Variants in ELAVL2 observed in about 807,000 individuals in gnomAD.
ELAVL2 encodes the protein ELAV-like protein 2.
ELAVL2 carries 4 observed loss-of-function variants against 34.6 expected under a neutral mutation model. That is an observed-to-expected ratio of 0.12 (90% CI 0.06 to 0.26). The LOEUF is 0.26. Ranked by LOEUF, ELAVL2 falls within the 10% of genes least tolerant of loss-of-function variation. ELAVL2 has a pLI of 1.00. For missense variants in ELAVL2, 432 were observed against 442.8 expected (o/e 0.98, Z 0.22); for synonymous variants, 193 against 154.8 (o/e 1.25, Z -1.83).
chr9:23,794,180 T>A (rs539934740), intron 1 of ELAVL2, among the ~76,000 whole-genome samples: 1 of 152,358 alleles, frequency 6.6e-6, no homozygotes, highest in Admixed American at 6.5e-5. Flanking sequence ...CATGAGCTTA[T>A]CTTTCCCCTT....
chr9:23,797,670 G>T (rs1287196582), intron 1 of ELAVL2, among the ~76,000 whole-genome samples: 1 of 152,254 alleles, frequency 6.6e-6, no homozygotes. Flanking sequence ...GCTTACGCCT[G>T]TAATCCCAGT....
At chr9:23,716,398 C>A (rs1302921445) in intron 3 of ELAVL2, among the ~76,000 whole-genome samples, 1 of 152,140 alleles carries the variant, frequency 6.6e-6, no homozygotes, top group East Asian at 1.9e-4. Flanking sequence ...CTTCATCCGA[C>A]CACATCTTCA....
chr9:23,834,512 AT>A, the ELAVL2 span, among the ~76,000 whole-genome samples: 1 of 152,194 alleles, frequency 6.6e-6, no homozygotes, highest in South Asian at 2.1e-4. Flanking sequence ...AGATGTAATC[AT>A]AAGTATAAAA....
At chr9:23,785,304 T>C (rs1206833179) in intron 1 of ELAVL2, among the ~76,000 whole-genome samples, 4 of 152,148 alleles carry the variant, frequency 2.6e-5, no homozygotes, top group South Asian at 2.1e-4. Context: ...AAGAAAGATA[T>C]GAAGATAAAG....
intron 5 of ELAVL2, among the ~76,000 whole-genome samples, chr9:23,700,835 A>T (rs1211214538): frequency 5.3e-5 from 8 of 152,172 alleles, no homozygotes; most frequent in African/African-American, 1.9e-4. Context: ...GAAGTAACAG[A>T]AACAGCTTGA....
intron 2 of ELAVL2, among the ~76,000 whole-genome samples, chr9:23,750,581 C>G (rs939406417): frequency 1.3e-5 from 2 of 151,966 alleles, no homozygotes; most frequent in Admixed American, 1.3e-4. Flanking sequence ...AAGAGCTAAC[C>G]TAATACTCAG....
chr9:23,829,209 G>A (rs1341739380), upstream of ELAVL2, among the ~76,000 whole-genome samples: 2 of 152,212 alleles, frequency 1.3e-5, no homozygotes, highest in African/African-American at 4.8e-5. Context: ...GAGCAAAAGT[G>A]TGAGGTGGAT....
At chr9:23,714,048 C>T (rs1032186582) in intron 3 of ELAVL2, among the ~76,000 whole-genome samples, 1 of 152,142 alleles carries the variant, frequency 6.6e-6, no homozygotes, top group Non-Finnish European at 1.5e-5. Flanking sequence ...GCAGAGGAAC[C>T]ATAAATGTTT....
At chr9:23,732,175 C>T (rs147918001) in intron 2 of ELAVL2, among the ~76,000 whole-genome samples, 20 of 152,288 alleles carry the variant, frequency 1.3e-4, no homozygotes, top group African/African-American at 4.1e-4. Flanking sequence ...ACTACTGTTG[C>T]ATCAATTTCA....
the ELAVL2 span, among the ~76,000 whole-genome samples, chr9:23,842,614 A>G: frequency 0.25 from 37,569 of 151,970 alleles, 5,101 homozygotes; most frequent in Admixed American, 0.33. Flanking sequence ...TGCATTTCTG[A>G]GTGCTTCTTA....
Position 23,751,738 on chromosome 9 carries a change from G to A in ELAVL2, c.229+10268C>T, listed in dbSNP as rs867667667. Among the ~76,000 whole-genome samples, 13 of 152,164 alleles carry A rather than the reference G, an allele frequency of 8.5e-5. No homozygotes were observed. The East Asian group carries it at 1.7e-3, about 20-fold the overall frequency. ...TCAATTTAACAACTTGCTGACCTTCGAAAGCCCAGTAATAGCTCACTGGAA... is the reference window on the plus strand; with the variant it reads ...TCAATTTAACAACTTGCTGACCTTCAAAAGCCCAGTAATAGCTCACTGGAA... On this transcript the variant is annotated intron_variant, in intron 2 of 6. Coordinates refer to ENST00000397312, the MANE Select transcript of ELAVL2 (RefSeq NM_004432.5).
chr9:23,741,963 G>C (rs2049313048), intron 2 of ELAVL2, among the ~76,000 whole-genome samples: 1 of 152,128 alleles, frequency 6.6e-6, no homozygotes, highest in Non-Finnish European at 1.5e-5. Context: ...AGGCCTTCTA[G>C]AGTAATGGCC....
At chr9:23,737,229 GAGC>G (rs1287447987) in intron 2 of ELAVL2, among the ~76,000 whole-genome samples, 1 of 151,974 alleles carries the variant, frequency 6.6e-6, no homozygotes, top group Non-Finnish European at 1.5e-5. Context: ...ACAAATGAAG[GAGC>G]AGCAGCATCT....
intron 2 of ELAVL2, among the ~76,000 whole-genome samples, chr9:23,744,901 T>G (rs2050135123): frequency 6.6e-6 from 1 of 152,084 alleles, no homozygotes. Context: ...AAAAAATTCT[T>G]TTAAAAATAA....
intron 1 of ELAVL2, among the ~76,000 whole-genome samples, chr9:23,812,461 G>A (rs1203468671): frequency 1.3e-5 from 2 of 152,030 alleles, no homozygotes; most frequent in African/African-American, 4.8e-5. Flanking sequence ...TCTTTAGGGG[G>A]ATAAAACATG....
At chr9:23,713,650 T>G (rs1429938975) in intron 3 of ELAVL2, among the ~76,000 whole-genome samples, 3 of 152,160 alleles carry the variant, frequency 2.0e-5, no homozygotes, top group Non-Finnish European at 4.4e-5. Flanking sequence ...CTGCATTTAT[T>G]TAGCCACATA....
At chr9:23,759,778 ATATATATATAT>A (rs2054516560) in intron 2 of ELAVL2, among the ~76,000 whole-genome samples, 3 of 138,878 alleles carry the variant, frequency 2.2e-5, no homozygotes, top group Non-Finnish European at 1.6e-5. Context: ...ATATATATAT[ATATATATATAT>A]AATGTATAGA....
intron 3 of ELAVL2, among the ~76,000 whole-genome samples, chr9:23,715,219 G>C (rs933819627): frequency 6.6e-6 from 1 of 152,154 alleles, no homozygotes; most frequent in African/African-American, 2.4e-5. Flanking sequence ...CACGATCTCA[G>C]CTCACTGCAA....
intron 2 of ELAVL2, among the ~76,000 whole-genome samples, chr9:23,732,073 T>C (rs1364724922): frequency 2.0e-5 from 3 of 152,184 alleles, no homozygotes; most frequent in Non-Finnish European, 4.4e-5. Flanking sequence ...GTGACAAAAA[T>C]GGCATAAGAA....
Sources: gnomAD v4.1 joint callset for allele counts (sites outside exome capture counted in the v4.1 genomes callset) on GRCh38, gnomAD v4.1.1 for gene constraint, MANE v1.5 for transcripts, NCBI Gene and HGNC (gene_info 2026-07-23, HGNC 2026-07-21) for gene names.